TMEM156: variants seen among roughly 807,000 people sequenced by gnomAD.
TMEM156 encodes the protein transmembrane protein 156.
Under a neutral mutation model 30.5 loss-of-function variants are expected in TMEM156, and 28 were observed. The ratio of observed to expected loss-of-function variants is 0.92; its 90% CI spans 0.68 to 1.26. TMEM156 has a LOEUF of 1.26. Ranked by LOEUF, TMEM156 falls within the 50% of genes most tolerant of loss-of-function variation. The pLI is 0.00. For synonymous variants in TMEM156, 137 were observed against 119.9 expected (o/e 1.14, Z -0.93); for missense variants, 351 against 340.6 (o/e 1.03, Z -0.24).
intron 1 of TMEM156, among the ~76,000 whole-genome samples, chr4:39,027,936 T>G (rs1715309024): frequency 6.6e-6 from 1 of 152,076 alleles, no homozygotes; most frequent in South Asian, 2.1e-4. Context: ...TTTAATTTTT[T>G]AGTAGAGACA....
At chr4:39,027,310 T>C (rs1371924886) in intron 1 of TMEM156, among the ~76,000 whole-genome samples, 2 of 152,202 alleles carry the variant, frequency 1.3e-5, no homozygotes, top group Non-Finnish European at 2.9e-5. Context: ...GTGGTCATTA[T>C]AATATAGACT....
In TMEM156 at chr4:38,981,174, T is replaced by C. The variant is rs11940693; in HGVS notation, c.823+5162A>G. Reference sequence around the variant, plus strand: ...GTTGCAGGACATCTGGCACCAGTAATTTATCTTCTCATCTGCAGGAAGTTG... The same window carrying C: ...GTTGCAGGACATCTGGCACCAGTAACTTATCTTCTCATCTGCAGGAAGTTG... On this transcript the variant is annotated intron_variant, in intron 5 of 6. Coordinates refer to ENST00000381938, the MANE Select transcript of TMEM156 (RefSeq NM_024943.3). 9.0e-3 allele frequency among the ~76,000 whole-genome samples: 1,376 copies of C among 152,310 alleles called. 29 individuals are homozygous for C. Among genetic ancestry groups the C allele is most frequent in the African/African-American group, 0.031 (1,302 of 41,564 alleles).
At chr4:39,009,669 C>T (rs116113997) in intron 1 of TMEM156, among the ~76,000 whole-genome samples, 306 of 152,188 alleles carry the variant, frequency 2.0e-3, no homozygotes, top group African/African-American at 7.0e-3. Context: ...TCAATAGACG[C>T]AGAAAAAGCA....
intron 5 of TMEM156, among the ~76,000 whole-genome samples, chr4:38,984,361 G>C (rs866437960): frequency 0.023 from 3,485 of 151,096 alleles, 137 homozygotes; most frequent in African/African-American, 0.079. Flanking sequence ...GTGTGTGTGT[G>C]TGTGTGTGTG....
rs753092587 is a variant in TMEM156 at position 38,998,756 on chromosome 4, C to T, written c.242G>A (p.Arg81His). 44 of 1,613,700 alleles carry T rather than the reference C, an allele frequency of 2.7e-5. No homozygotes were observed. In the Admixed American group the frequency reaches 3.0e-4, roughly 11 times the overall value. Residue 81 changes from arginine to histidine, a missense_variant, in exon 2 of 7, where the codon CGT becomes CAT. By Grantham distance (29) the Arg-to-His change is conservative. Coordinates refer to ENST00000381938, the MANE Select transcript of TMEM156 (RefSeq NM_024943.3). ...GTCTTGGCAAGTCCTGGTGAAGTTA[C>T]GAAAATTGGAGGGATTTAGAAAGAT... ...MRIFLNPSNF[R>H]NFTRTCQDIT...
chr4:39,011,699 G>A (rs564529951), intron 1 of TMEM156, among the ~76,000 whole-genome samples: 4 of 152,222 alleles, frequency 2.6e-5, no homozygotes, highest in African/African-American at 7.2e-5. Flanking sequence ...CTTAAACCCG[G>A]GAGGCGGAGG....
intron 1 of TMEM156, among the ~76,000 whole-genome samples, chr4:39,003,561 C>T (rs1251002170): frequency 1.3e-5 from 2 of 151,826 alleles, no homozygotes; most frequent in East Asian, 1.9e-4. Context: ...CTTGAACTCC[C>T]GACCTCAGGT....
chr4:38,969,440 G>C (rs1003435999), intron 6 of TMEM156, among the ~76,000 whole-genome samples: 1 of 152,076 alleles, frequency 6.6e-6, no homozygotes, highest in South Asian at 2.1e-4. Context: ...ATATTTCATT[G>C]TATATATGCA....
At chr4:39,021,319 G>A (rs924023869) in intron 1 of TMEM156, among the ~76,000 whole-genome samples, 43 of 151,536 alleles carry the variant, frequency 2.8e-4, no homozygotes, top group African/African-American at 1.0e-3. Flanking sequence ...TGGGTGGACC[G>A]CTTGAGCCCT....
At chr4:39,012,903 G>A (rs978794400) in intron 1 of TMEM156, among the ~76,000 whole-genome samples, 1 of 151,742 alleles carries the variant, frequency 6.6e-6, no homozygotes, top group African/African-American at 2.4e-5. Context: ...TCACGCCACT[G>A]CACTCCAGCC....
chr4:39,010,655 T>C (rs1405227939), intron 1 of TMEM156, among the ~76,000 whole-genome samples: 1 of 151,880 alleles, frequency 6.6e-6, no homozygotes, highest in Non-Finnish European at 1.5e-5. Context: ...CTGACAAAAG[T>C]AAACACTGGG....
chr4:38,982,648 T>C (rs574137187), intron 5 of TMEM156, among the ~76,000 whole-genome samples: 1 of 152,276 alleles, frequency 6.6e-6, no homozygotes, highest in Admixed American at 6.5e-5. Flanking sequence ...AATCCACAGA[T>C]AAAAAAGACA....
chr4:38,988,811 G>A, intron 4 of TMEM156, 40 bp downstream of exon 4: 3 of 1,611,572 alleles, frequency 1.9e-6, no homozygotes, highest in Non-Finnish European at 2.5e-6. Flanking sequence ...ATCCATAGAA[G>A]AGATCAGGAG....
At chr4:38,969,643 A>G (rs1722502864) in intron 6 of TMEM156, among the ~76,000 whole-genome samples, 2 of 152,196 alleles carry the variant, frequency 1.3e-5, no homozygotes, top group Admixed American at 1.3e-4. Context: ...GCTAGAGCGC[A>G]GTGGCATGGC....
intron 2 of TMEM156, among the ~76,000 whole-genome samples, chr4:38,997,350 A>G (rs977373115): frequency 6.6e-6 from 1 of 152,220 alleles, no homozygotes; most frequent in Admixed American, 6.5e-5. Flanking sequence ...TGATGGGCGC[A>G]CTAGAAGCCC....
intron 1 of TMEM156, among the ~76,000 whole-genome samples, chr4:39,000,424 G>T (rs750390678): frequency 4.6e-5 from 7 of 152,054 alleles, no homozygotes; most frequent in Non-Finnish European, 8.8e-5. Flanking sequence ...TGCTATATCT[G>T]TCAGTCATTA....
chr4:38,994,451 A>AT (rs1164005392), intron 2 of TMEM156, among the ~76,000 whole-genome samples: 1 of 152,124 alleles, frequency 6.6e-6, no homozygotes, highest in Non-Finnish European at 1.5e-5. Context: ...AGGTGGTTAT[A>AT]TTTTTTAAGA....
chr4:38,971,245 A>G, intron 5 of TMEM156, 108 bp from the exon 6 acceptor site: 1 of 1,070,372 alleles, frequency 9.3e-7, no homozygotes, highest in Non-Finnish European at 1.4e-6. Context: ...CTACCTCTAG[A>G]AAGGATTTTG....
chr4:38,979,121 A>T (rs1723051216), intron 5 of TMEM156, among the ~76,000 whole-genome samples: 1 of 152,230 alleles, frequency 6.6e-6, no homozygotes, highest in Non-Finnish European at 1.5e-5. Flanking sequence ...AGGTTTTATA[A>T]ACCTGTTGGT....
Sources: gnomAD v4.1 joint callset for allele counts (sites outside exome capture counted in the v4.1 genomes callset) on GRCh38, gnomAD v4.1.1 for gene constraint, MANE v1.5 for transcripts, NCBI Gene and HGNC (gene_info 2026-07-23, HGNC 2026-07-21) for gene names.